HS3ST4: variants seen among roughly 807,000 people sequenced by gnomAD.
HS3ST4 encodes heparan sulfate-glucosamine 3-sulfotransferase 4.
HS3ST4 carries 17 observed loss-of-function variants against 29.2 expected under a neutral mutation model. The ratio of observed to expected loss-of-function variants is 0.58; its 90% CI spans 0.40 to 0.87. The LOEUF (loss-of-function observed/expected upper bound fraction) is 0.87. Ranked by LOEUF, HS3ST4 falls within the 40% of genes least tolerant of loss-of-function variation. HS3ST4 has a pLI of 0.00. For missense variants in HS3ST4, 627 were observed against 634.5 expected, an observed-to-expected ratio of 0.99 and a Z score of 0.13; for synonymous variants, 314 against 285.7, an observed-to-expected ratio of 1.10 and a Z score of -1.00.
Position 26,135,913 on chromosome 16 carries a change from T to A in HS3ST4, c.1036T>A (p.Tyr346Asn), listed in dbSNP as rs1305307210. ...GCTGCATCTGGAAAACTGGCTCCAG[T>A]ATTTCCCCCTCTCCCAGATCCTCTT... ...YALHLENWLQYFPLSQILFVS... is the reference protein window; with the variant it reads ...YALHLENWLQNFPLSQILFVS... Residue 346 changes from tyrosine to asparagine, a missense_variant, in exon 2 of 2, where the codon TAT becomes AAT. By Grantham distance (143) the Tyr-to-Asn change is moderately radical (BLOSUM62 -2). Coordinates refer to ENST00000331351, the MANE Select transcript of HS3ST4 (RefSeq NM_006040.3). 6.2e-7 allele frequency: 1 copy of A among 1,614,006 alleles called. No individual in the cohort carries two copies.
chr16:25,708,903 A>G (rs975503269), intron 1 of HS3ST4, among the ~76,000 whole-genome samples: 3 of 152,186 alleles, frequency 2.0e-5, no homozygotes, highest in African/African-American at 7.2e-5. Context: ...ACAATATGTT[A>G]GAACATCTTT....
intron 1 of HS3ST4, among the ~76,000 whole-genome samples, chr16:25,851,909 A>T (rs1967526141): frequency 6.6e-6 from 1 of 152,192 alleles, no homozygotes; most frequent in Admixed American, 6.5e-5. Flanking sequence ...TGCTATGATA[A>T]CAATGGCAGG....
At chr16:25,974,038 T>C (rs542267802) in intron 1 of HS3ST4, among the ~76,000 whole-genome samples, 8 of 152,232 alleles carry the variant, frequency 5.3e-5, no homozygotes, top group Non-Finnish European at 8.8e-5. Flanking sequence ...CAGGTCACAC[T>C]TAGCCCAGCT....
At chr16:25,932,067 C>A (rs1337528795) in intron 1 of HS3ST4, among the ~76,000 whole-genome samples, 2 of 152,194 alleles carry the variant, frequency 1.3e-5, no homozygotes, top group Non-Finnish European at 1.5e-5. Context: ...GTAATCCCAG[C>A]ACTTTGAGAG....
At chr16:26,014,670 G>A (rs879627692) in intron 1 of HS3ST4, among the ~76,000 whole-genome samples, 8 of 152,114 alleles carry the variant, frequency 5.3e-5, no homozygotes, top group Non-Finnish European at 1.0e-4. Context: ...TAAAGAACAC[G>A]ATCTTGATCT....
chr16:25,839,687 G>T (rs141995717), intron 1 of HS3ST4, among the ~76,000 whole-genome samples: 3 of 151,882 alleles, frequency 2.0e-5, no homozygotes, highest in Non-Finnish European at 4.4e-5. Context: ...AGTGAATATC[G>T]CTCTTCACTG....
chr16:25,950,492 GATGA>G (rs1968672130), intron 1 of HS3ST4, among the ~76,000 whole-genome samples: 1 of 152,070 alleles, frequency 6.6e-6, no homozygotes, highest in Non-Finnish European at 1.5e-5. Flanking sequence ...TGGTCGGATG[GATGA>G]ATGAATAAAT....
chr16:25,846,547 A>G (rs1013350715), intron 1 of HS3ST4, among the ~76,000 whole-genome samples: 2 of 151,756 alleles, frequency 1.3e-5, no homozygotes, highest in African/African-American at 4.8e-5. Flanking sequence ...AAAAAAAAAA[A>G]AGTTGTATTT....
chr16:25,776,767 G>C (rs1433702061), intron 1 of HS3ST4, among the ~76,000 whole-genome samples: 1 of 152,170 alleles, frequency 6.6e-6, no homozygotes, highest in African/African-American at 2.4e-5. Context: ...ATGTTCTTCA[G>C]TTCTTTCCTT....
intron 1 of HS3ST4, among the ~76,000 whole-genome samples, chr16:25,870,195 T>TCCATCCAA (rs1967735466): frequency 6.6e-6 from 1 of 151,992 alleles, no homozygotes; most frequent in Admixed American, 6.6e-5. Context: ...CATCCATCCA[T>TCCATCCAA]CCATCCAACC....
intron 1 of HS3ST4, among the ~76,000 whole-genome samples, chr16:26,005,351 A>G (rs1031134179): frequency 2.0e-5 from 3 of 152,156 alleles, no homozygotes; most frequent in Non-Finnish European, 4.4e-5. Flanking sequence ...CTAAATCAAT[A>G]TGTGTATTTA....
At chr16:26,129,345 G>A (rs1270695195) in intron 1 of HS3ST4, among the ~76,000 whole-genome samples, 1 of 152,232 alleles carries the variant, frequency 6.6e-6, no homozygotes, top group African/African-American at 2.4e-5. Flanking sequence ...AGGTTTTACA[G>A]TTTGGTTAAG....
intron 1 of HS3ST4, among the ~76,000 whole-genome samples, chr16:26,025,868 C>T (rs1445773152): frequency 2.0e-5 from 3 of 152,162 alleles, no homozygotes; most frequent in Middle Eastern, 3.2e-3. Context: ...CTCTGCCTCC[C>T]GGATTTAAAC....
chr16:26,019,818 G>A (rs76809403), intron 1 of HS3ST4, among the ~76,000 whole-genome samples: 9,279 of 152,194 alleles, frequency 0.061, 377 homozygotes, highest in Non-Finnish European at 0.094. Context: ...TGTCCAAGCC[G>A]TTTGGTTCAA....
At chr16:25,724,085 G>T (rs1414071099) in intron 1 of HS3ST4, among the ~76,000 whole-genome samples, 1 of 124,822 alleles carries the variant, frequency 8.0e-6, no homozygotes, top group Admixed American at 1.1e-4. Flanking sequence ...TTGCACTCCA[G>T]CCTGGCGACA....
At position 25,813,525 on chromosome 16, in the gene HS3ST4, A is replaced by T. The variant is rs1426231600; in HGVS notation, c.734+120374A>T. Among the ~76,000 whole-genome samples the T allele has an allele frequency of 5.3e-5, 8 of 152,236 alleles. No homozygotes were observed. In the East Asian group the frequency reaches 1.5e-3, roughly 29 times the overall value. The stretch of plus-strand genomic sequence containing the variant: ...GGGAGAGGAATCGCTTGAACCTGGG[A>T]GGCGGAGGTTGTGGTGAGCCGAGAT... On this transcript the variant is annotated intron_variant, in intron 1 of 1. Coordinates refer to ENST00000331351, the MANE Select transcript of HS3ST4 (RefSeq NM_006040.3).
intron 1 of HS3ST4, among the ~76,000 whole-genome samples, chr16:25,846,495 C>T (rs775517763): frequency 5.9e-5 from 9 of 151,448 alleles, no homozygotes; most frequent in Non-Finnish European, 8.8e-5. Flanking sequence ...GATCACACCA[C>T]TACACTCCAG....
chr16:26,105,464 C>T (rs1287227021), intron 1 of HS3ST4, among the ~76,000 whole-genome samples: 1 of 152,204 alleles, frequency 6.6e-6, no homozygotes, highest in African/African-American at 2.4e-5. Flanking sequence ...ACTTTTGTGA[C>T]ATACTTGCAC....
At chr16:26,007,547 A>T (rs1249626747) in intron 1 of HS3ST4, among the ~76,000 whole-genome samples, 1 of 152,172 alleles carries the variant, frequency 6.6e-6, no homozygotes, top group East Asian at 1.9e-4. Context: ...CCCGGAATTC[A>T]GTACTTATTG....
Sources: allele counts gnomAD v4.1 joint callset (sites outside exome capture counted in the v4.1 genomes callset), GRCh38; gene constraint gnomAD v4.1.1; transcripts MANE v1.5; gene names NCBI Gene and HGNC (gene_info 2026-07-23, HGNC 2026-07-21).